DPP6: variants seen among roughly 807,000 people sequenced by gnomAD.
The protein encoded by DPP6 is dipeptidyl peptidase like 6.
Under a neutral mutation model 122.6 loss-of-function variants are expected in DPP6, and 69 were observed. The ratio of observed to expected loss-of-function variants is 0.56; its 90% CI spans 0.46 to 0.69. DPP6 has a LOEUF of 0.69. Ranked by LOEUF, DPP6 falls within the 30% of genes least tolerant of loss-of-function variation. The pLI is 0.00. For missense variants in DPP6, 928 were observed against 1,116.9 expected (o/e 0.83, Z 2.41); for synonymous variants, 418 against 433.1 (o/e 0.97, Z 0.43).
intron 1 of DPP6, among the ~76,000 whole-genome samples, chr7:154,354,582 T>C (rs1366275264): frequency 6.6e-6 from 1 of 152,220 alleles, no homozygotes; most frequent in Non-Finnish European, 1.5e-5. Context: ...TAAACACTAT[T>C]TTGACACCTT....
chr7:154,454,559 C>T (rs779955345), intron 2 of DPP6, among the ~76,000 whole-genome samples: 1 of 152,030 alleles, frequency 6.6e-6, no homozygotes, highest in African/African-American at 2.4e-5. Context: ...CATGAGCCCT[C>T]GGGGGACAGA....
At chr7:154,355,467 C>G (rs1238512367) in intron 1 of DPP6, among the ~76,000 whole-genome samples, 1 of 152,010 alleles carries the variant, frequency 6.6e-6, no homozygotes, top group Non-Finnish European at 1.5e-5. Flanking sequence ...GAAAATGTTT[C>G]TGTTATTTGC....
At chr7:154,521,729 TAA>T (rs1826997043) in intron 3 of DPP6, among the ~76,000 whole-genome samples, 2 of 152,204 alleles carry the variant, frequency 1.3e-5, no homozygotes, top group Non-Finnish European at 2.9e-5. Context: ...ACTGACGTTG[TAA>T]AAATAGATAT....
At chr7:154,867,849 G>C (rs1166461291) in intron 17 of DPP6, 146 bp from the exon 18 acceptor site, 7 of 1,144,798 alleles carry the variant, frequency 6.1e-6, no homozygotes, top group Non-Finnish European at 7.9e-6. Context: ...TTAATGCCCA[G>C]TTTCTTTTTC....
chr7:154,418,399 T>G (rs565571816), intron 1 of DPP6, among the ~76,000 whole-genome samples: 4 of 152,384 alleles, frequency 2.6e-5, no homozygotes, highest in African/African-American at 9.6e-5. Flanking sequence ...CAAAGAACCT[T>G]GTTTACAGTA....
At chr7:154,727,952 G>T in intron 8 of DPP6, 65 bp downstream of exon 8, 5 of 1,475,314 alleles carry the variant, frequency 3.4e-6, no homozygotes, top group South Asian at 3.1e-5. Context: ...ATTGGAGTTG[G>T]GTTCTTTTTC....
intron 1 of DPP6, among the ~76,000 whole-genome samples, chr7:154,181,987 C>T (rs1315594474): frequency 6.6e-6 from 1 of 152,076 alleles, no homozygotes; most frequent in Non-Finnish European, 1.5e-5. Flanking sequence ...CTCCTGACCT[C>T]ATGATCTGCC....
At position 154,889,350 on chromosome 7, in the gene DPP6, G is replaced by A; in HGVS notation, c.2377+6G>A. ...CATTCATCCCACTGCCGATGGTAAG[G>A]ACTGAAAACATGAATTCACTGTGTA... On this transcript the variant is annotated splice_donor_region_variant and intron_variant, in intron 24 of 25. Transcript: ENST00000377770. 1 of 1,612,086 alleles carries A rather than the reference G, an allele frequency of 6.2e-7. No individual in the cohort carries two copies.
intron 16 of DPP6, among the ~76,000 whole-genome samples, chr7:154,834,208 C>T (rs1800849254): frequency 1.3e-5 from 2 of 151,646 alleles, no homozygotes; most frequent in African/African-American, 4.8e-5. Flanking sequence ...TGGCTCACTC[C>T]TGTAATCCCA....
intron 5 of DPP6, among the ~76,000 whole-genome samples, chr7:154,614,844 C>G (rs952839179): frequency 1.3e-5 from 2 of 152,172 alleles, no homozygotes; most frequent in African/African-American, 4.8e-5. Context: ...GAGAAAATTG[C>G]AAAAGAGGCC....
the DPP6 span, among the ~76,000 whole-genome samples, chr7:153,811,730 C>T: frequency 9.2e-5 from 14 of 152,222 alleles, no homozygotes; most frequent in South Asian, 1.7e-3. Flanking sequence ...CTTATGTAAA[C>T]GTTGTGTGTT....
At chr7:153,782,188 C>A in the DPP6 span, among the ~76,000 whole-genome samples, 1 of 151,906 alleles carries the variant, frequency 6.6e-6, no homozygotes, top group African/African-American at 2.4e-5. Context: ...CGATAATATC[C>A]TAATCACACC....
At chr7:154,512,677 G>A (rs1586503009) in intron 3 of DPP6, among the ~76,000 whole-genome samples, 6 of 150,554 alleles carry the variant, frequency 4.0e-5, no homozygotes, top group Admixed American at 4.0e-4. Context: ...CTACAAAGTG[G>A]AAATCATGTG....
At chr7:153,757,737 C>T in the DPP6 span, among the ~76,000 whole-genome samples, 4 of 152,152 alleles carry the variant, frequency 2.6e-5, no homozygotes, top group Admixed American at 2.6e-4. Context: ...GTAGGTGGAT[C>T]ATTTGAGTCC....
chr7:153,827,257 G>A, the DPP6 span, among the ~76,000 whole-genome samples: 1 of 152,166 alleles, frequency 6.6e-6, no homozygotes. Context: ...ATATAACAGT[G>A]TATAAAAATA....
chr7:154,084,863 G>T (rs531039536), intron 1 of DPP6, among the ~76,000 whole-genome samples: 1 of 151,764 alleles, frequency 6.6e-6, no homozygotes, highest in African/African-American at 2.4e-5. Flanking sequence ...GGTGGTGGGC[G>T]CCTGGAGTCC....
chr7:153,914,417 C>A (rs1316310701), intron 1 of DPP6, among the ~76,000 whole-genome samples: 1 of 152,180 alleles, frequency 6.6e-6, no homozygotes, highest in Non-Finnish European at 1.5e-5. Flanking sequence ...GTTCTCCATA[C>A]CTTCCCTGGA....
intron 5 of DPP6, among the ~76,000 whole-genome samples, chr7:154,609,028 A>G (rs6959026): frequency 0.96 from 146,790 of 152,264 alleles, 70,986 homozygotes; most frequent in East Asian, 1. Context: ...CTGTTTCTGT[A>G]AGGTCATCAC....
At chr7:153,920,563 C>CTTTTTTTTTTTTTTTTTTTTTTTTTTTTT in intron 1 of DPP6, among the ~76,000 whole-genome samples, 1 of 88,688 alleles carries the variant, frequency 1.1e-5, no homozygotes, top group Non-Finnish European at 2.0e-5. Context: ...TTATCTCTCT[C>CTTTTTTTTTTTTTTTTTTTTTTTTTTTTT]TTTTTTTTTT....
Sources: allele counts gnomAD v4.1 joint callset (sites outside exome capture counted in the v4.1 genomes callset), GRCh38; gene constraint gnomAD v4.1.1; transcripts MANE v1.5; gene names NCBI Gene and HGNC (gene_info 2026-07-23, HGNC 2026-07-21).